CRACDL: variants seen among roughly 807,000 people sequenced by gnomAD.
The protein encoded by CRACDL is CRACD-like protein.
Under a neutral mutation model 70.6 loss-of-function variants are expected in CRACDL, and 26 were observed. The observed-to-expected ratio is 0.37, with a 90% CI of 0.27 to 0.51. The LOEUF is 0.51. CRACDL is among the 20% of genes least tolerant of loss of function. The pLI, the probability that CRACDL is intolerant of heterozygous loss-of-function variation, is 0.94. For synonymous variants in CRACDL, 618 were observed against 615.2 expected (o/e 1.00, Z -0.07); for missense variants, 1,283 against 1,376.9 (o/e 0.93, Z 1.08).
At position 98,846,727 on chromosome 2, in the gene CRACDL, T is replaced by C; in HGVS notation, c.70+4A>G. 1.2e-6 allele frequency: 2 copies of C among 1,613,552 alleles called. No individual in the cohort carries two copies. The highest frequency in any genetic ancestry group is 2.2e-5 in the East Asian group (1 of 44,888). On this transcript the variant is annotated splice_donor_region_variant and intron_variant, in intron 2 of 9. Coordinates refer to ENST00000397899, the MANE Select transcript of CRACDL (RefSeq NM_207362.3). ...TCCCCAGAGCAGGGGAAGCAGGGCCTTACCTGTGCTGTCCTCCCCAAGGCC... is the reference window on the plus strand; with the variant it reads ...TCCCCAGAGCAGGGGAAGCAGGGCCCTACCTGTGCTGTCCTCCCCAAGGCC...
chr2:98,825,149 G>T (rs192677591), intron 6 of CRACDL, among the ~76,000 whole-genome samples: 177 of 152,268 alleles, frequency 1.2e-3, no homozygotes, highest in Non-Finnish European at 2.1e-3. Flanking sequence ...ATGACCAACG[G>T]GCAAAGGGTG....
At chr2:98,850,988 A>C (rs1706458480) in intron 1 of CRACDL, among the ~76,000 whole-genome samples, 1 of 152,226 alleles carries the variant, frequency 6.6e-6, no homozygotes, top group Admixed American at 6.5e-5. Context: ...ATTTACCTAC[A>C]CAATGCAAAG....
chr2:98,892,507 T>C (rs1314276302), intron 1 of CRACDL, among the ~76,000 whole-genome samples: 2 of 151,870 alleles, frequency 1.3e-5, no homozygotes, highest in South Asian at 2.1e-4. Flanking sequence ...ACAGTCAACA[T>C]AGTGAAACCC....
Position 98,796,106 on chromosome 2 carries a change from T to C in CRACDL, c.2749+14A>G. The stretch of plus-strand genomic sequence containing the variant: ...TGATTTCAAAGTATGTGGTAATGTT[T>C]GCAGATTTCATACCCAAGTTCTGAT... On this transcript the variant is annotated intron_variant, in intron 9 of 9. Coordinates refer to ENST00000397899, the MANE Select transcript of CRACDL (RefSeq NM_207362.3). 6.2e-7 allele frequency: 1 copy of C among 1,611,064 alleles called. No individual in the cohort carries two copies. Among genetic ancestry groups the C allele is most frequent in the Non-Finnish European group, 8.5e-7 (1 of 1,177,282 alleles).
chr2:98,851,871 T>C (rs1706495666), intron 1 of CRACDL, among the ~76,000 whole-genome samples: 1 of 152,352 alleles, frequency 6.6e-6, no homozygotes, highest in African/African-American at 2.4e-5. Context: ...AAGGCAGTTA[T>C]GAGCAATTGA....
rs1469679064 is a variant in CRACDL at position 98,920,324 on chromosome 2, C to T, written c.-11+15614G>A. The stretch of plus-strand genomic sequence containing the variant: ...ATTCTATCATGAGTAGAACTGCCCA[C>T]CTGTCACATCTACTGACCTTCTTGC... On this transcript the variant is annotated intron_variant, in intron 1 of 9. Coordinates refer to ENST00000397899, the MANE Select transcript of CRACDL (RefSeq NM_207362.3). Among the ~76,000 whole-genome samples, 5 of 152,274 alleles carry T rather than the reference C, an allele frequency of 3.3e-5. No individual in the cohort carries two copies. The East Asian group carries it at 9.7e-4, about 29-fold the overall frequency.
chr2:98,869,299 C>T, intron 1 of CRACDL: 9 of 1,213,998 alleles, frequency 7.4e-6, no homozygotes, highest in Non-Finnish European at 9.5e-6. Context: ...AGTGGGGCTT[C>T]TGCCAAGCCC....
chr2:98,796,342 G>A, intron 8 of CRACDL, 78 bp from the exon 9 acceptor site: 1 of 1,457,088 alleles, frequency 6.9e-7, no homozygotes, highest in Non-Finnish European at 9.6e-7. Flanking sequence ...TGAAGGAGCT[G>A]CAAAGCTGCT....
intron 2 of CRACDL, among the ~76,000 whole-genome samples, chr2:98,842,435 C>T (rs1264787393): frequency 6.6e-6 from 1 of 150,580 alleles, no homozygotes; most frequent in African/African-American, 2.5e-5. Context: ...ATCCGCTATA[C>T]CTTGTAAAAA....
chr2:98,851,675 G>A (rs1706488455), intron 1 of CRACDL, among the ~76,000 whole-genome samples: 1 of 152,178 alleles, frequency 6.6e-6, no homozygotes, highest in African/African-American at 2.4e-5. Context: ...TCAGAGCTAA[G>A]TATTTTAAAT....
intron 7 of CRACDL, among the ~76,000 whole-genome samples, chr2:98,804,614 A>G (rs1472676811): frequency 1.3e-5 from 2 of 152,166 alleles, no homozygotes; most frequent in Non-Finnish European, 2.9e-5. Flanking sequence ...TTAGGCTGCC[A>G]AGTGGAGTGC....
In CRACDL at chr2:98,813,432, T is replaced by TA. The variant is rs200047449; in HGVS notation, c.2416+8424dup. On this transcript the variant is annotated intron_variant, in intron 7 of 9. Transcript: ENST00000397899. ...GGGCAACAAGAGCAAGACTCTGTCT[T>TA]AAAAAAAAATTTTGCATCTAAATTC... Among the ~76,000 whole-genome samples, 783 of 151,658 alleles carry TA rather than the reference T, an allele frequency of 5.2e-3. 3 individuals are homozygous for TA. Among genetic ancestry groups the TA allele is most frequent in the African/African-American group, 0.017 (696 of 41,358 alleles).
intron 2 of CRACDL, 45 bp from the exon 3 acceptor site, chr2:98,838,332 G>A: frequency 8.9e-7 from 1 of 1,117,756 alleles, no homozygotes; most frequent in Non-Finnish European, 1.3e-6. Flanking sequence ...CTGTTACAGT[G>A]TGTGTTTATG....
At chr2:98,887,403 G>T (rs907032123) in intron 1 of CRACDL, among the ~76,000 whole-genome samples, 1 of 152,230 alleles carries the variant, frequency 6.6e-6, no homozygotes, top group Non-Finnish European at 1.5e-5. Context: ...CAGAGGATTT[G>T]CTTGGGCCCT....
At chr2:98,890,325 A>T (rs1412111734) in intron 1 of CRACDL, among the ~76,000 whole-genome samples, 1 of 152,228 alleles carries the variant, frequency 6.6e-6, no homozygotes, top group African/African-American at 2.4e-5. Flanking sequence ...AGGGGACATC[A>T]CTACCAACAT....
chr2:98,872,318 A>G (rs1182145287), intron 1 of CRACDL, among the ~76,000 whole-genome samples: 2 of 152,222 alleles, frequency 1.3e-5, no homozygotes. Flanking sequence ...AGATCGCACC[A>G]CTGCACTCCA....
intron 7 of CRACDL, among the ~76,000 whole-genome samples, chr2:98,803,652 A>C (rs1319853170): frequency 6.6e-6 from 1 of 152,218 alleles, no homozygotes; most frequent in Non-Finnish European, 1.5e-5. Flanking sequence ...CATCCTAAAA[A>C]TGCACATCAA....
chr2:98,835,068 T>A (rs1010701452), intron 3 of CRACDL, among the ~76,000 whole-genome samples: 7 of 152,228 alleles, frequency 4.6e-5, no homozygotes, highest in Admixed American at 4.6e-4. Flanking sequence ...TATAAATATA[T>A]GATAGGTTAA....
At chr2:98,833,392 C>G (rs1404969136) in intron 3 of CRACDL, among the ~76,000 whole-genome samples, 1 of 152,234 alleles carries the variant, frequency 6.6e-6, no homozygotes, top group Non-Finnish European at 1.5e-5. Flanking sequence ...AACATGCAGG[C>G]CCTCCGTGGG....
Sources: allele counts gnomAD v4.1 joint callset (sites outside exome capture counted in the v4.1 genomes callset), GRCh38; gene constraint gnomAD v4.1.1; transcripts MANE v1.5; gene names NCBI Gene and HGNC (gene_info 2026-07-23, HGNC 2026-07-21).